The following CMSS1 variants were observed in gnomAD, a reference collection of about 807,000 sequenced individuals.
The protein encoded by CMSS1 is protein CMSS1.
A neutral mutation model predicts 43.5 loss-of-function variants in CMSS1; 33 were observed. The ratio of observed to expected loss-of-function variants is 0.76; its 90% confidence interval spans 0.57 to 1.01. The LOEUF (loss-of-function observed/expected upper bound fraction) is 1.01. CMSS1 is among the 50% of genes least tolerant of loss of function. CMSS1 has a pLI of 0.00. For missense variants in CMSS1, 313 were observed against 326.4 expected (o/e 0.96, Z 0.32); for synonymous variants, 115 against 117.2 (o/e 0.98, Z 0.12).
intron 1 of CMSS1, chr3:100,113,995 A>G (rs2066532302): frequency 6.6e-6 from 1 of 152,186 alleles, no homozygotes; most frequent in Non-Finnish European, 1.5e-5. Flanking sequence ...CTAGCTGGTG[A>G]ATAACACAGA....
chr3:100,090,050 A>C (rs1039060215), intron 1 of CMSS1, among the ~76,000 whole-genome samples: 1 of 152,204 alleles, frequency 6.6e-6, no homozygotes, highest in Non-Finnish European at 1.5e-5. Context: ...GGAGCCACAG[A>C]AAACTTCACT....
At chr3:100,107,254 A>G (rs1204666354) in intron 1 of CMSS1, among the ~76,000 whole-genome samples, 2 of 152,184 alleles carry the variant, frequency 1.3e-5, no homozygotes, top group Non-Finnish European at 2.9e-5. Context: ...GAATATAATA[A>G]TAGAATTCTA....
intron 1 of CMSS1, among the ~76,000 whole-genome samples, chr3:100,082,918 T>A (rs2065953990): frequency 1.3e-5 from 2 of 152,254 alleles, no homozygotes; most frequent in African/African-American, 4.8e-5. Flanking sequence ...ATCTGTAGAA[T>A]TAGCTTGCCT....
At chr3:100,031,979 G>A (rs778120080) in intron 1 of CMSS1, among the ~76,000 whole-genome samples, 4 of 151,854 alleles carry the variant, frequency 2.6e-5, no homozygotes, top group Non-Finnish European at 5.9e-5. Flanking sequence ...TATTTTTCAT[G>A]CATCATGAAA....
chr3:99,948,686 GGAGAAAGGAGA>G (rs1708086310), intron 1 of CMSS1, among the ~76,000 whole-genome samples: 1 of 148,738 alleles, frequency 6.7e-6, no homozygotes, highest in African/African-American at 2.5e-5. Flanking sequence ...AAGAAGAAGA[GGAGAAAGGAGA>G]GAGAAAGGGA....
intron 1 of CMSS1, among the ~76,000 whole-genome samples, chr3:99,963,142 G>C (rs1280190251): frequency 6.6e-6 from 1 of 152,194 alleles, no homozygotes; most frequent in Non-Finnish European, 1.5e-5. Flanking sequence ...CAGTGCACCA[G>C]AGAAAGTTCG....
At chr3:99,846,110 C>T (rs1943353461) in intron 1 of CMSS1, among the ~76,000 whole-genome samples, 2 of 152,172 alleles carry the variant, frequency 1.3e-5, no homozygotes, top group South Asian at 4.1e-4. Context: ...GGCTCCCAAA[C>T]TCTATTAGTT....
At chr3:100,143,811 T>C (rs1485026496) in intron 1 of CMSS1, among the ~76,000 whole-genome samples, 1 of 152,210 alleles carries the variant, frequency 6.6e-6, no homozygotes, top group Non-Finnish European at 1.5e-5. Context: ...CATTATATAA[T>C]GTCTCTCTCA....
chr3:100,102,572 AT>A (rs906999376), intron 1 of CMSS1, among the ~76,000 whole-genome samples: 1 of 151,930 alleles, frequency 6.6e-6, no homozygotes, highest in Non-Finnish European at 1.5e-5. Context: ...ATTGTTTTAT[AT>A]TTTTTGTGTT....
chr3:100,034,263 G>A (rs2065070110), intron 1 of CMSS1, among the ~76,000 whole-genome samples: 2 of 152,174 alleles, frequency 1.3e-5, no homozygotes, highest in Admixed American at 1.3e-4. Flanking sequence ...AAAAGCTGCA[G>A]CCAGGGGACA....
rs150343066 is a variant in CMSS1 at position 100,077,331 on chromosome 3, C to T, written c.65-69642C>T. ...ACTCAGGCAACAGCCAAAGTCATTT[C>T]TTTCTCTTACAATCTGAGAAGCAAG... On this transcript the variant is annotated intron_variant, in intron 1 of 9. Transcript: ENST00000421999. Among the ~76,000 whole-genome samples the T allele has an allele frequency of 2.4e-3, 371 of 152,308 alleles. 1 individual carries two copies. Among genetic ancestry groups the T allele is most frequent in the African/African-American group, 8.4e-3 (349 of 41,566 alleles).
chr3:100,126,202 T>A (rs954086380), intron 1 of CMSS1, among the ~76,000 whole-genome samples: 3 of 152,198 alleles, frequency 2.0e-5, no homozygotes, highest in East Asian at 3.8e-4. Context: ...ATTTGCTACA[T>A]GAGTTCAGAG....
In CMSS1 at chr3:99,867,591, C is replaced by T. The variant is rs148728024; in HGVS notation, c.64+49548C>T. Among the ~76,000 whole-genome samples the T allele has an allele frequency of 4.6e-3, 695 of 152,230 alleles. 2 individuals carry two copies. Among genetic ancestry groups the T allele is most frequent in the South Asian group, 7.0e-3 (34 of 4,824 alleles). On this transcript the variant is annotated intron_variant, in intron 1 of 9. Transcript: ENST00000421999. ...TCTGCTAGTGACTTAACTATCTGACCTTACCTCATCTGCTTGTCACCTTAG... is the reference window on the plus strand; with the variant it reads ...TCTGCTAGTGACTTAACTATCTGACTTTACCTCATCTGCTTGTCACCTTAG...
At chr3:100,121,454 T>C (rs981376515) in intron 1 of CMSS1, among the ~76,000 whole-genome samples, 12 of 152,084 alleles carry the variant, frequency 7.9e-5, no homozygotes, top group Non-Finnish European at 1.8e-4. Context: ...TATTCCATGG[T>C]GTATATTTGC....
intron 1 of CMSS1, among the ~76,000 whole-genome samples, chr3:100,059,305 A>G (rs1041925382): frequency 6.6e-6 from 1 of 152,220 alleles, no homozygotes; most frequent in African/African-American, 2.4e-5. Context: ...ATTTGAGGCT[A>G]TAATGGGACG....
intron 1 of CMSS1, among the ~76,000 whole-genome samples, chr3:99,820,093 C>T (rs1019011469): frequency 3.9e-5 from 6 of 152,008 alleles, no homozygotes; most frequent in African/African-American, 9.7e-5. Context: ...AACTTTAAAT[C>T]GCTACAGCCT....
chr3:99,950,964 G>A (rs371096602), intron 1 of CMSS1, among the ~76,000 whole-genome samples: 3 of 152,288 alleles, frequency 2.0e-5, no homozygotes, highest in Non-Finnish European at 4.4e-5. Context: ...TCTGCCCTTG[G>A]AATAACTCAA....
chr3:100,178,056 T>G (rs144714231), intron 9 of CMSS1, among the ~76,000 whole-genome samples: 1 of 152,128 alleles, frequency 6.6e-6, no homozygotes, highest in African/African-American at 2.4e-5. Flanking sequence ...GAAGCAGAGA[T>G]AGCAGTTAGC....
intron 1 of CMSS1, among the ~76,000 whole-genome samples, chr3:100,142,981 A>G (rs1156592789): frequency 2.0e-5 from 3 of 152,202 alleles, no homozygotes; most frequent in African/African-American, 7.2e-5. Context: ...AAGACAAGGT[A>G]AAATTATGTG....
Sources: allele counts gnomAD v4.1 joint callset (sites outside exome capture counted in the v4.1 genomes callset), GRCh38; gene constraint gnomAD v4.1.1; transcripts MANE v1.5; gene names NCBI Gene and HGNC (gene_info 2026-07-23, HGNC 2026-07-21).